Variants in TUSC3 observed in about 807,000 individuals in gnomAD.
The protein encoded by TUSC3 is dolichyl-diphosphooligosaccharide--protein glycosyltransferase subunit TUSC3.
A neutral mutation model predicts 44.8 loss-of-function variants in TUSC3; 45 were observed. The observed-to-expected ratio is 1.00, with a 90% CI of 0.79 to 1.29. The LOEUF (loss-of-function observed/expected upper bound fraction) is 1.29, where lower values mean the gene tolerates loss of function less well. Ranked by LOEUF, TUSC3 falls within the 50% of genes most tolerant of loss-of-function variation. The probability of loss-of-function intolerance (pLI) is 0.00; values close to 1 mark genes in which losing one functional copy is unlikely to be tolerated. For synonymous variants in TUSC3, 212 were observed against 152.9 expected (o/e 1.39, Z -2.85); for missense variants, 519 against 437.9 (o/e 1.19, Z -1.65).
chr8:15,779,123 G>A, the TUSC3 span, among the ~76,000 whole-genome samples: 109 of 118,806 alleles, frequency 9.2e-4, no homozygotes, highest in African/African-American at 3.5e-3. Flanking sequence ...TTTTTTCCAC[G>A]TTACTTCTAG....
the TUSC3 span, among the ~76,000 whole-genome samples, chr8:15,779,098 C>CTTT: frequency 8.9e-6 from 1 of 111,854 alleles, no homozygotes; most frequent in Non-Finnish European, 1.8e-5. Context: ...CGAATGTTTT[C>CTTT]TTTTTTTTTT....
At chr8:15,850,111 CTT>C in the TUSC3 span, among the ~76,000 whole-genome samples, 33 of 145,254 alleles carry the variant, frequency 2.3e-4, no homozygotes, top group South Asian at 2.2e-4. Context: ...CTTGTTTATC[CTT>C]TTTTTTTTTT....
At chr8:15,626,760 C>T (rs1484135198) in intron 2 of TUSC3, among the ~76,000 whole-genome samples, 1 of 152,218 alleles carries the variant, frequency 6.6e-6, no homozygotes, top group African/African-American at 2.4e-5. Flanking sequence ...GTAGAGCTGA[C>T]ATGCCAGCCC....
chr8:15,745,182 C>T (rs1232087640), intron 8 of TUSC3, among the ~76,000 whole-genome samples: 2 of 151,810 alleles, frequency 1.3e-5, no homozygotes, highest in African/African-American at 4.8e-5. Context: ...TTTATCTAGT[C>T]CGTCATTGAT....
At chr8:15,606,590 T>C (rs1398043227) in intron 1 of TUSC3, among the ~76,000 whole-genome samples, 1 of 152,070 alleles carries the variant, frequency 6.6e-6, no homozygotes, top group Non-Finnish European at 1.5e-5. Context: ...TTTCATCTTG[T>C]TAAATAACTA....
At chr8:15,482,060 C>T (rs1233346745) in intron 1 of TUSC3, among the ~76,000 whole-genome samples, 1 of 152,180 alleles carries the variant, frequency 6.6e-6, no homozygotes, top group African/African-American at 2.4e-5. Context: ...GTCATCTCAA[C>T]AATGTTCATA....
At chr8:15,705,720 T>C (rs947265162) in intron 6 of TUSC3, among the ~76,000 whole-genome samples, 6 of 152,058 alleles carry the variant, frequency 3.9e-5, no homozygotes, top group Non-Finnish European at 8.8e-5. Context: ...TCTTTGTGCC[T>C]CTCTCCTGCA....
the TUSC3 span, among the ~76,000 whole-genome samples, chr8:15,841,074 T>G: frequency 1.3e-5 from 2 of 152,150 alleles, no homozygotes; most frequent in African/African-American, 4.8e-5. Context: ...TTAGTGGAAG[T>G]TGTTCCCTAG....
At chr8:15,631,867 G>A (rs983897982) in intron 2 of TUSC3, among the ~76,000 whole-genome samples, 1 of 151,904 alleles carries the variant, frequency 6.6e-6, no homozygotes, top group South Asian at 2.1e-4. Flanking sequence ...CGCCATGCCT[G>A]GCTAAATTTT....
At chr8:15,563,758 A>G (rs542150480) in intron 1 of TUSC3, among the ~76,000 whole-genome samples, 11 of 151,646 alleles carry the variant, frequency 7.3e-5, no homozygotes, top group Non-Finnish European at 1.3e-4. Context: ...GAGTAGTTTT[A>G]AAGCTCATAG....
intron 2 of TUSC3, among the ~76,000 whole-genome samples, chr8:15,646,417 A>G (rs1439932161): frequency 6.6e-6 from 1 of 152,136 alleles, no homozygotes; most frequent in East Asian, 1.9e-4. Context: ...AATAGAGGCT[A>G]GAATCTACAA....
At chr8:15,737,390 A>T (rs1360703067) in intron 7 of TUSC3, among the ~76,000 whole-genome samples, 1 of 152,178 alleles carries the variant, frequency 6.6e-6, no homozygotes, top group Non-Finnish European at 1.5e-5. Context: ...ATTCGTTACT[A>T]ATTCTGTAGA....
intron 1 of TUSC3, among the ~76,000 whole-genome samples, chr8:15,475,348 C>T (rs549592732): frequency 3.0e-4 from 45 of 152,242 alleles, no homozygotes; most frequent in African/African-American, 1.0e-3. Flanking sequence ...ACACTGCATC[C>T]CTATCCCCTT....
intron 6 of TUSC3, among the ~76,000 whole-genome samples, chr8:15,723,325 A>T (rs2129205071): frequency 6.6e-6 from 1 of 152,304 alleles, no homozygotes; most frequent in Admixed American, 6.5e-5. Context: ...TCACAGAGAC[A>T]AAATTCTTTG....
chr8:15,797,614 C>A, the TUSC3 span, among the ~76,000 whole-genome samples: 4 of 152,018 alleles, frequency 2.6e-5, no homozygotes, highest in African/African-American at 4.8e-5. Flanking sequence ...CAGAAGCACT[C>A]GTGCTAAATC....
At chr8:15,719,784 C>T (rs575272445) in intron 6 of TUSC3, among the ~76,000 whole-genome samples, 3 of 152,144 alleles carry the variant, frequency 2.0e-5, no homozygotes, top group East Asian at 3.9e-4. Flanking sequence ...CAGGAAACTG[C>T]GCCATATGTT....
At chr8:15,484,074 G>C (rs1330825402) in intron 2 of TUSC3, among the ~76,000 whole-genome samples, 1 of 152,094 alleles carries the variant, frequency 6.6e-6, no homozygotes, top group Non-Finnish European at 1.5e-5. Context: ...AGGTCTATTT[G>C]TAGTGAGATT....
chr8:15,593,305 C>T (rs1006647745), intron 1 of TUSC3, among the ~76,000 whole-genome samples: 16 of 152,020 alleles, frequency 1.1e-4, no homozygotes, highest in African/African-American at 2.2e-4. Flanking sequence ...AGGTTGGTCT[C>T]GAACTCCTGA....
chr8:15,541,675 T>C (rs924002600), intron 1 of TUSC3, among the ~76,000 whole-genome samples: 14 of 152,168 alleles, frequency 9.2e-5, no homozygotes, highest in African/African-American at 2.9e-4. Flanking sequence ...TATGAAATTA[T>C]TGGTGAAGTT....
Sources: allele counts gnomAD v4.1 joint callset (sites outside exome capture counted in the v4.1 genomes callset), GRCh38; gene constraint gnomAD v4.1.1; transcripts MANE v1.5; gene names NCBI Gene and HGNC (gene_info 2026-07-23, HGNC 2026-07-21).